GRM5: variants seen among roughly 807,000 people sequenced by gnomAD.
GRM5 encodes glutamate metabotropic receptor 5.
Under a neutral mutation model 83.1 loss-of-function variants are expected in GRM5, and 19 were observed. The observed-to-expected ratio is 0.23, with a 90% confidence interval of 0.16 to 0.34. GRM5 has a LOEUF of 0.34. GRM5 is among the 10% of genes least tolerant of loss of function. The probability of loss-of-function intolerance (pLI) is 1.00; values close to 1 mark genes in which losing one functional copy is unlikely to be tolerated. For missense variants in GRM5, 1,160 were observed against 1,588.3 expected, an observed-to-expected ratio of 0.73 and a Z score of 4.58; for synonymous variants, 675 against 633.6, an observed-to-expected ratio of 1.07 and a Z score of -0.98.
chr11:88,538,416 CA>C (rs2135127524), intron 8 of GRM5, among the ~76,000 whole-genome samples: 1 of 152,256 alleles, frequency 6.6e-6, no homozygotes, highest in South Asian at 2.1e-4. Context: ...AAGCTTTATA[CA>C]ACATCCTCAA....
At chr11:88,607,653 C>T (rs190180741) in intron 4 of GRM5, among the ~76,000 whole-genome samples, 1 of 152,186 alleles carries the variant, frequency 6.6e-6, no homozygotes, top group Non-Finnish European at 1.5e-5. Context: ...TGGTATTTCA[C>T]CCCTTATTCC....
chr11:88,579,945 G>A (rs1943189511), intron 7 of GRM5, among the ~76,000 whole-genome samples: 1 of 152,186 alleles, frequency 6.6e-6, no homozygotes, highest in African/African-American at 2.4e-5. Context: ...GATGATTAAT[G>A]ATGATTGTTA....
At chr11:88,643,374 A>C (rs1202065921) in intron 4 of GRM5, among the ~76,000 whole-genome samples, 14 of 152,100 alleles carry the variant, frequency 9.2e-5, no homozygotes, top group Non-Finnish European at 1.0e-4. Flanking sequence ...TGATCTAATC[A>C]CCTCTCACCA....
chr11:88,681,669 C>T (rs1008545780), intron 3 of GRM5, among the ~76,000 whole-genome samples: 2 of 143,054 alleles, frequency 1.4e-5, no homozygotes, highest in Non-Finnish European at 3.0e-5. Flanking sequence ...CTCCTGGGTT[C>T]AAACGATTCT....
chr11:88,866,788 A>G (rs1224825750), intron 2 of GRM5, among the ~76,000 whole-genome samples: 3 of 152,238 alleles, frequency 2.0e-5, no homozygotes, highest in African/African-American at 7.2e-5. Context: ...GCCCATGCCT[A>G]TGTCCTGAAT....
rs956998516 is a variant in GRM5, at chr11:89,062,088, A to G, written c.-201+3688T>C. On this transcript the variant is annotated intron_variant, in intron 1 of 9. Coordinates refer to ENST00000305447, the MANE Select transcript of GRM5 (RefSeq NM_001143831.3). ...TGACGGGACGCACACTACTAACCCA[A>G]TGAGTTCAGGACGCAGTATTTTCAA... Among the ~76,000 whole-genome samples, 192 of 152,296 alleles carry G rather than the reference A, an allele frequency of 1.3e-3. 1 individual carries two copies. The highest frequency in any genetic ancestry group is 1.0e-3 in the Non-Finnish European group (69 of 68,014).
At chr11:88,612,033 T>C (rs1383259441) in intron 4 of GRM5, among the ~76,000 whole-genome samples, 4 of 151,416 alleles carry the variant, frequency 2.6e-5, no homozygotes, top group Admixed American at 6.6e-5. Context: ...TAGTTACATA[T>C]GTATACATGT....
chr11:88,801,292 T>A (rs1458771186), intron 3 of GRM5, among the ~76,000 whole-genome samples: 4 of 152,148 alleles, frequency 2.6e-5, no homozygotes, highest in African/African-American at 9.6e-5. Flanking sequence ...GTGAGATTTT[T>A]ATTTGTGTCT....
At chr11:89,051,766 A>C (rs1199984836) in intron 1 of GRM5, among the ~76,000 whole-genome samples, 1 of 152,206 alleles carries the variant, frequency 6.6e-6, no homozygotes, top group East Asian at 1.9e-4. Context: ...AGGAGATTTA[A>C]GCAAATGACT....
intron 3 of GRM5, among the ~76,000 whole-genome samples, chr11:88,744,345 C>T (rs1240984237): frequency 2.0e-5 from 3 of 152,146 alleles, no homozygotes; most frequent in Non-Finnish European, 2.9e-5. Context: ...TGCAGCAAAC[C>T]ATTATTTATG....
At chr11:88,570,571 A>ATATTTTTTTT (rs1405339448) in intron 7 of GRM5, among the ~76,000 whole-genome samples, 5 of 46,378 alleles carry the variant, frequency 1.1e-4, no homozygotes, top group African/African-American at 5.3e-4. Flanking sequence ...ATATATATAT[A>ATATTTTTTTT]TTTTTTTTTT....
At chr11:88,926,853 A>C (rs1290165692) in intron 2 of GRM5, among the ~76,000 whole-genome samples, 1 of 152,172 alleles carries the variant, frequency 6.6e-6, no homozygotes, top group East Asian at 1.9e-4. Flanking sequence ...GGAGCTACTC[A>C]GCAAATACTT....
intron 8 of GRM5, among the ~76,000 whole-genome samples, chr11:88,550,959 CAT>C (rs1476812314): frequency 6.6e-6 from 1 of 152,124 alleles, no homozygotes; most frequent in Non-Finnish European, 1.5e-5. Flanking sequence ...TTTAACCTCA[CAT>C]GTCTCAACTT....
intron 2 of GRM5, among the ~76,000 whole-genome samples, chr11:88,860,049 A>G (rs1247716376): frequency 6.6e-6 from 1 of 152,174 alleles, no homozygotes; most frequent in African/African-American, 2.4e-5. Context: ...ATTGCTGAAG[A>G]GGGAGAAACT....
chr11:88,777,609 A>G (rs1942884242), intron 3 of GRM5, among the ~76,000 whole-genome samples: 1 of 152,092 alleles, frequency 6.6e-6, no homozygotes, highest in Admixed American at 6.6e-5. Context: ...TGACCTACAG[A>G]TGGGGTTTGG....
intron 3 of GRM5, among the ~76,000 whole-genome samples, chr11:88,815,000 T>C (rs1368575788): frequency 6.6e-6 from 1 of 152,106 alleles, no homozygotes; most frequent in African/African-American, 2.4e-5. Flanking sequence ...TAAATGTCCC[T>C]CTCTCAATAA....
chr11:88,798,366 G>A (rs1265901477), intron 3 of GRM5, among the ~76,000 whole-genome samples: 1 of 152,084 alleles, frequency 6.6e-6, no homozygotes, highest in Non-Finnish European at 1.5e-5. Flanking sequence ...TATGTGTAAA[G>A]CACTGTATTT....
intron 2 of GRM5, among the ~76,000 whole-genome samples, chr11:89,025,551 G>A (rs1399338871): frequency 6.6e-6 from 1 of 152,150 alleles, no homozygotes; most frequent in African/African-American, 2.4e-5. Flanking sequence ...TTGAAAACAT[G>A]TTCATGATAT....
At chr11:88,553,884 GAAGACCA>G (rs1565336244) in intron 8 of GRM5, among the ~76,000 whole-genome samples, 1 of 152,094 alleles carries the variant, frequency 6.6e-6, no homozygotes, top group Non-Finnish European at 1.5e-5. Context: ...TTTGGGTAGG[GAAGACCA>G]AAATCTCCTC....
Sources: gnomAD v4.1 joint callset for allele counts (sites outside exome capture counted in the v4.1 genomes callset) on GRCh38, gnomAD v4.1.1 for gene constraint, MANE v1.5 for transcripts, NCBI Gene and HGNC (gene_info 2026-07-23, HGNC 2026-07-21) for gene names.